Variants in CFAP46 observed in about 807,000 individuals in gnomAD.
The protein encoded by CFAP46 is cilia- and flagella-associated protein 46.
In CFAP46, 245 loss-of-function variants were observed where a neutral mutation model predicts 325.7. That is an observed-to-expected ratio of 0.75 (90% CI 0.68 to 0.84). The LOEUF (loss-of-function observed/expected upper bound fraction) is 0.84, where lower values mean the gene tolerates loss of function less well. Among genes scored for constraint, CFAP46 ranks in the 40% least tolerant of loss-of-function variants. The probability of loss-of-function intolerance (pLI) is 0.00; values close to 1 mark genes in which losing one functional copy is unlikely to be tolerated. For missense variants in CFAP46, 3,346 were observed against 3,543.0 expected (o/e 0.94, Z 1.41); for synonymous variants, 1,523 against 1,495.9 (o/e 1.02, Z -0.42).
At chr10:132,851,866 T>G (rs112137323) in intron 39 of CFAP46, among the ~76,000 whole-genome samples, 3 of 133,484 alleles carry the variant, frequency 2.2e-5, no homozygotes, top group Non-Finnish European at 4.9e-5. Flanking sequence ...CTCCATTTAC[T>G]TAGGAATTCT....
Position 132,877,092 on chromosome 10 carries a change from G to A in CFAP46, c.4213-131C>T. 2 of 826,730 alleles carry A rather than the reference G, an allele frequency of 2.4e-6. No individual in the cohort carries two copies. The highest frequency in any genetic ancestry group is 3.8e-6 in the Non-Finnish European group (2 of 532,126). 51.2% of individuals were successfully genotyped at this position (826,730 alleles called of 1,614,324 possible). ...CAGCCGGCATCCTCCCCACCACCAG[G>A]TCCCAGCGAGTGCCCAGATCCAGCC... On this transcript the variant is annotated intron_variant, in intron 30 of 57. Transcript: ENST00000368586. The surrounding 1 kb of genome is among the most constrained non-coding windows in gnomAD (Gnocchi z 5.7).
chr10:132,811,154 TC>T (rs1472083432), intron 55 of CFAP46, 123 bp from the exon 56 acceptor site: 1 of 810,680 alleles, frequency 1.2e-6, no homozygotes, highest in African/African-American at 1.7e-5. Context: ...GCCACTCAGC[TC>T]CGGGCTCCGA....
intron 27 of CFAP46, among the ~76,000 whole-genome samples, chr10:132,883,698 CA>C (rs1564789149): frequency 2.0e-5 from 3 of 152,230 alleles, no homozygotes; most frequent in Non-Finnish European, 4.4e-5. Context: ...AGCAGGCAGA[CA>C]ATGGGAAGCA....
rs781021888 is a variant in CFAP46, at chr10:132,877,931, C to T, written c.4162G>A (p.Glu1388Lys). Residue 1388 changes from glutamate (E) to lysine (K), a missense_variant, in exon 30 of 58, where the codon GAG (glutamate) becomes AAG (lysine). Physicochemically the swap from Glu to Lys is moderately conservative, Grantham distance 56. Coordinates refer to ENST00000368586, the MANE Select transcript of CFAP46 (RefSeq NM_001200049.3). This position sits in a 1 kb window ranked among gnomAD's most constrained non-coding sequence, Gnocchi z 5.7. ...TCCTTTCCCTTCTCCTTGTCCTTCT[C>T]TTTACTCCTCTCATTCTCCTTCTCT... The part of the protein sequence containing the change: ...SKEKENERSK[E>K]KDKEKGKEEK... The T allele has an allele frequency of 8.4e-6, 13 of 1,550,172 alleles. No individual in the cohort carries two copies. The highest frequency in any genetic ancestry group is 3.9e-5 in the Admixed American group (2 of 50,978).
At chr10:132,891,335 G>C (rs1448059290) in intron 25 of CFAP46, among the ~76,000 whole-genome samples, 1 of 152,164 alleles carries the variant, frequency 6.6e-6, no homozygotes, top group Non-Finnish European at 1.5e-5. Context: ...GGTGGTAGGG[G>C]GCAAGGGTGG....
intron 23 of CFAP46, 89 bp downstream of exon 23, chr10:132,899,446 C>CT: frequency 1.4e-6 from 2 of 1,444,756 alleles, no homozygotes; most frequent in Non-Finnish European, 1.8e-6. Context: ...CCCTTGGGCC[C>CT]ACAGGATGGG....
intron 8 of CFAP46, among the ~76,000 whole-genome samples, chr10:132,933,206 C>A (rs1341245940): frequency 6.6e-6 from 1 of 152,156 alleles, no homozygotes; most frequent in Non-Finnish European, 1.5e-5. Context: ...CCCTGCCCAC[C>A]TCCTCCTCCC....
chr10:132,929,644 T>C (rs1210330324), intron 9 of CFAP46, 61 bp downstream of exon 9: 1 of 1,493,320 alleles, frequency 6.7e-7, no homozygotes, highest in Admixed American at 1.7e-5. Flanking sequence ...CTTTGCCTTT[T>C]GTCCAACTGC....
Position 132,860,772 on chromosome 10 carries a change from T to C in CFAP46, c.5091+10A>G. 3.9e-6 allele frequency: 6 copies of C among 1,550,246 alleles called. No homozygotes were observed. Among genetic ancestry groups the C allele is most frequent in the Non-Finnish European group, 4.4e-6 (5 of 1,146,720 alleles). ...CCCGACATGCAGCCCCAGGTCCCCGTGCCTCTTACCGTAGCTTCCCTTCCT... is the reference window on the plus strand; with the variant it reads ...CCCGACATGCAGCCCCAGGTCCCCGCGCCTCTTACCGTAGCTTCCCTTCCT... On this transcript the variant is annotated intron_variant, in intron 36 of 57. Transcript: ENST00000368586.
At chr10:132,851,403 T>A in intron 39 of CFAP46, 98 bp from the exon 40 acceptor site, 1 of 1,203,414 alleles carries the variant, frequency 8.3e-7, no homozygotes, top group Non-Finnish European at 1.2e-6. Context: ...CGTAAGAAAC[T>A]CATAACAAAC....
chr10:132,824,163 G>C (rs1311430153), intron 50 of CFAP46, among the ~76,000 whole-genome samples: 3 of 143,396 alleles, frequency 2.1e-5, no homozygotes. Context: ...TGTGTGTGCT[G>C]TGTGCTGTGT....
At chr10:132,857,842 G>T in intron 38 of CFAP46, 54 bp from the exon 39 acceptor site, 1 of 1,334,976 alleles carries the variant, frequency 7.5e-7, no homozygotes, top group Non-Finnish European at 1.0e-6. Context: ...ATTACTAAAT[G>T]TTTAATATGT....
At chr10:132,850,213 C>T in intron 41 of CFAP46, 31 bp downstream of exon 41, 1 of 1,548,388 alleles carries the variant, frequency 6.5e-7, no homozygotes, top group Non-Finnish European at 8.7e-7. Flanking sequence ...GGTGTTGGAG[C>T]CAGACTTGGG....
intron 22 of CFAP46, among the ~76,000 whole-genome samples, chr10:132,903,597 T>G (rs1849418918): frequency 6.6e-6 from 1 of 152,252 alleles, no homozygotes; most frequent in African/African-American, 2.4e-5. Context: ...TGGTACTGCC[T>G]GCTGTCCAAC....
rs1591089646 is a variant in CFAP46, at chr10:132,916,654, CCTT to C, written c.2012_2014del (p.Glu671del). ...GATGGCCCGGTCATTCAGCTCTACACCTTCTGACCGCAGCAAATGAACCGTGGC... is the reference window on the plus strand; with the variant it reads ...GATGGCCCGGTCATTCAGCTCTACACCTGACCGCAGCAAATGAACCGTGGC... On this transcript the variant is annotated inframe_deletion, in exon 17 of 58. Coordinates refer to ENST00000368586, the MANE Select transcript of CFAP46 (RefSeq NM_001200049.3). 2.7e-6 allele frequency: 4 copies of C among 1,502,496 alleles called. No individual in the cohort carries two copies. Among genetic ancestry groups the C allele is most frequent in the East Asian group, 5.2e-5 (2 of 38,406 alleles). 93.1% of individuals were successfully genotyped at this position (1,502,496 alleles called of 1,614,324 possible).
At chr10:132,915,508 G>C (rs984052044) in intron 17 of CFAP46, among the ~76,000 whole-genome samples, 2 of 152,284 alleles carry the variant, frequency 1.3e-5, no homozygotes, top group African/African-American at 4.8e-5. Flanking sequence ...ATGGCAAGCA[G>C]GGACAGCTGG....
At chr10:132,816,552 C>T (rs894785500) in intron 50 of CFAP46, among the ~76,000 whole-genome samples, 10 of 152,132 alleles carry the variant, frequency 6.6e-5, no homozygotes, top group African/African-American at 1.2e-4. Context: ...AGGATGGTCT[C>T]GATCTCCTGA....
In CFAP46 at chr10:132,810,503, G is replaced by A. The variant is rs61860847; in HGVS notation, c.7584-14C>T. On this transcript the variant is annotated splice_polypyrimidine_tract_variant and intron_variant, in intron 56 of 57. Coordinates refer to ENST00000368586, the MANE Select transcript of CFAP46 (RefSeq NM_001200049.3). ...CGGCCAACAGATCTAGGGGAGAAAC[G>A]TCCCCTCAGGAGGGCATGGACACCC... 0.013 allele frequency: 20,880 copies of A among 1,610,122 alleles called. 184 individuals carry two copies. Among genetic ancestry groups the A allele is most frequent in the Non-Finnish European group, 0.015 (17,477 of 1,176,908 alleles).
intron 19 of CFAP46, among the ~76,000 whole-genome samples, chr10:132,911,349 G>A (rs953605789): frequency 1.3e-5 from 2 of 152,202 alleles, no homozygotes; most frequent in African/African-American, 4.8e-5. Context: ...GTGAGTGCCG[G>A]GCCGCAGGCT....
Sources: allele counts gnomAD v4.1 joint callset (sites outside exome capture counted in the v4.1 genomes callset), GRCh38; gene constraint gnomAD v4.1.1; non-coding constraint Gnocchi (gnomAD v3.1); transcripts MANE v1.5; gene names NCBI Gene and HGNC (gene_info 2026-07-23, HGNC 2026-07-21).